TMBIM4: variants seen among roughly 807,000 people sequenced by gnomAD.
The protein encoded by TMBIM4 is protein lifeguard 4.
TMBIM4 carries 28 observed loss-of-function variants against 27.7 expected under a neutral mutation model. That is an observed-to-expected ratio of 1.01 (90% CI 0.75 to 1.38). TMBIM4 has a LOEUF of 1.38. TMBIM4 is among the 40% of genes most tolerant of loss of function. The pLI, the probability that TMBIM4 is intolerant of heterozygous loss-of-function variation, is 0.00. For synonymous variants in TMBIM4, 115 were observed against 113.1 expected (o/e 1.02, Z -0.11); for missense variants, 265 against 277.5 (o/e 0.95, Z 0.32).
rs535511385 is a variant in TMBIM4 at position 66,162,774 on chromosome 12, T to C, written c.97+7081A>G. 1.2e-3 allele frequency among the ~76,000 whole-genome samples: 177 copies of C among 152,350 alleles called. 2 individuals carry two copies. The highest frequency in any genetic ancestry group is 3.9e-3 in the African/African-American group (164 of 41,590). On this transcript the variant is annotated intron_variant, in intron 1 of 6. Coordinates refer to ENST00000358230, the MANE Select transcript of TMBIM4 (RefSeq NM_016056.4). Reference sequence around the variant, plus strand: ...TATATCCCAAGCTGCAATTTTGTTATTCCCAAACAAAATGTTTAATTTACA... The same window carrying C: ...TATATCCCAAGCTGCAATTTTGTTACTCCCAAACAAAATGTTTAATTTACA...
intron 1 of TMBIM4, among the ~76,000 whole-genome samples, chr12:66,155,923 AT>A (rs900707636): frequency 6.6e-6 from 1 of 152,176 alleles, no homozygotes; most frequent in Non-Finnish European, 1.5e-5. Flanking sequence ...ACTAATCTGT[AT>A]TTTTTAGATA....
intron 3 of TMBIM4, among the ~76,000 whole-genome samples, chr12:66,148,537 AC>A (rs1351566918): frequency 1.3e-5 from 2 of 152,196 alleles, no homozygotes; most frequent in East Asian, 3.9e-4. Flanking sequence ...TGCTCTAAAA[AC>A]AAAGAAAGAC....
At chr12:66,150,771 G>A (rs2136863210) in intron 3 of TMBIM4, among the ~76,000 whole-genome samples, 1 of 152,236 alleles carries the variant, frequency 6.6e-6, no homozygotes, top group East Asian at 1.9e-4. Flanking sequence ...GGCAGTGGGA[G>A]CTAAAGTTAA....
chr12:66,169,650 C>T, intron 1 of TMBIM4: 1 of 469,098 alleles, frequency 2.1e-6, no homozygotes, highest in East Asian at 3.5e-5. Context: ...CTCCCACACC[C>T]GCTAGGAGGG....
intron 3 of TMBIM4, among the ~76,000 whole-genome samples, chr12:66,149,483 T>G (rs924014000): frequency 3.6e-4 from 54 of 149,230 alleles, no homozygotes; most frequent in African/African-American, 7.2e-4. Flanking sequence ...GAAATTTTTT[T>G]GGGGGGGGCA....
In TMBIM4 at chr12:66,153,326, TC is replaced by T; in HGVS notation, c.206+13del. 1 of 1,407,614 alleles carries T rather than the reference TC, an allele frequency of 7.1e-7. No individual in the cohort carries two copies. Among genetic ancestry groups the T allele is most frequent in the Non-Finnish European group, 9.9e-7 (1 of 1,012,628 alleles). 87.2% of individuals were successfully genotyped at this position (1,407,614 alleles called of 1,614,324 possible). A position where few individuals can be genotyped will look rare whatever the true frequency, so the allele number is the denominator to read the frequency against. ...AATGTCTGAAAATTATTCATTACCA[TC>T]TCATTACCTTACCTCTCATGTACAA... On this transcript the variant is annotated intron_variant, in intron 2 of 6. Coordinates refer to ENST00000358230, the MANE Select transcript of TMBIM4 (RefSeq NM_016056.4).
At chr12:66,169,688 G>A (rs954778622) in intron 1 of TMBIM4, among the ~76,000 whole-genome samples, 167 bp downstream of exon 1, 1 of 152,196 alleles carries the variant, frequency 6.6e-6, no homozygotes, top group African/African-American at 2.4e-5. Flanking sequence ...ACTCCCTGAG[G>A]AGGGCGCCAG....
intron 1 of TMBIM4, among the ~76,000 whole-genome samples, chr12:66,159,633 T>C (rs950898809): frequency 6.6e-6 from 1 of 152,238 alleles, no homozygotes; most frequent in East Asian, 1.9e-4. Flanking sequence ...ACAGCTAATC[T>C]GCCTGGCTAG....
rs561209063 is a variant in TMBIM4, at chr12:66,161,542, A to G, written c.98-8094T>C. ...GCCACCACACCCAGCCACTTCATTT[A>G]TTTTTATTTGGTGGAGCATTTTTAA... is the stretch of plus-strand genomic sequence containing the variant. On this transcript the variant is annotated intron_variant, in intron 1 of 6. Transcript: ENST00000358230. Among the ~76,000 whole-genome samples the G allele has an allele frequency of 3.3e-5, 5 of 152,302 alleles. No homozygotes were observed. In the South Asian group the frequency reaches 1.0e-3, roughly 32 times the overall value.
intron 1 of TMBIM4, among the ~76,000 whole-genome samples, chr12:66,165,319 C>G (rs1328027874): frequency 6.6e-6 from 1 of 152,028 alleles, no homozygotes; most frequent in Non-Finnish European, 1.5e-5. Flanking sequence ...TATTACAAAG[C>G]CACAGTAATC....
intron 3 of TMBIM4, among the ~76,000 whole-genome samples, chr12:66,151,483 CCCA>C (rs1180292295): frequency 6.6e-6 from 1 of 152,138 alleles, no homozygotes; most frequent in African/African-American, 2.4e-5. Flanking sequence ...CAGCAATCTG[CCCA>C]CGTCAGCCTT....
At chr12:66,155,825 A>G (rs908851608) in intron 1 of TMBIM4, among the ~76,000 whole-genome samples, 2 of 152,256 alleles carry the variant, frequency 1.3e-5, no homozygotes, top group Non-Finnish European at 2.9e-5. Context: ...ACAAGTGCAT[A>G]TGTAATAAAA....
intron 1 of TMBIM4, among the ~76,000 whole-genome samples, chr12:66,158,484 C>T (rs2051982915): frequency 6.6e-6 from 1 of 151,186 alleles, no homozygotes; most frequent in South Asian, 2.1e-4. Context: ...ACTAAAAATA[C>T]AAAAATTAGC....
chr12:66,160,922 T>C (rs1217105009), intron 1 of TMBIM4, among the ~76,000 whole-genome samples: 1 of 96,796 alleles, frequency 1.0e-5, no homozygotes. Context: ...GGTGAGGGGG[T>C]GGGGCGGGCA....
intron 1 of TMBIM4, among the ~76,000 whole-genome samples, chr12:66,158,482 T>TA (rs2051982858): frequency 6.6e-6 from 1 of 150,712 alleles, no homozygotes; most frequent in South Asian, 2.1e-4. Flanking sequence ...CTACTAAAAA[T>TA]ACAAAAATTA....
chr12:66,146,690 G>T (rs2051757486), intron 4 of TMBIM4, among the ~76,000 whole-genome samples: 1 of 150,936 alleles, frequency 6.6e-6, no homozygotes, highest in Admixed American at 6.6e-5. Flanking sequence ...ACCTCTTGGA[G>T]GTTAACTGCT....
chr12:66,169,861 G>T lies in TMBIM4; in HGVS notation c.91C>A (p.Arg31=). Residue 31 remains arginine (R), a synonymous_variant, in exon 1 of 7, where the codon CGA becomes AGA. Transcript: ENST00000358230. ...TGGAGAGGGGACAACGTACCCATTC[G>T]GATGTGCACGGTGGCGGAGGCCACG... ...SSVASATVHI[R]MAFLRKVYSI... 6.6e-7 allele frequency: 1 copy of T among 1,512,440 alleles called. No individual in the cohort carries two copies. The highest frequency in any genetic ancestry group is 1.2e-5 in the South Asian group (1 of 81,178). 93.7% of individuals were successfully genotyped at this position (1,512,440 alleles called of 1,614,324 possible).
intron 1 of TMBIM4, among the ~76,000 whole-genome samples, chr12:66,158,506 GCA>G (rs2051983484): frequency 6.6e-6 from 1 of 152,008 alleles, no homozygotes; most frequent in Non-Finnish European, 1.5e-5. Context: ...GGGTGTGGTG[GCA>G]TGTGCCTGTA....
intron 1 of TMBIM4, among the ~76,000 whole-genome samples, chr12:66,166,461 T>C (rs1456778169): frequency 1.1e-5 from 1 of 93,986 alleles, no homozygotes; most frequent in Non-Finnish European, 1.9e-5. Flanking sequence ...TGATACTTTG[T>C]CTCAAAAAAA....
Sources: gnomAD v4.1 joint callset for allele counts (sites outside exome capture counted in the v4.1 genomes callset) on GRCh38, gnomAD v4.1.1 for gene constraint, MANE v1.5 for transcripts, NCBI Gene and HGNC (gene_info 2026-07-23, HGNC 2026-07-21) for gene names.